HOMER2: variants seen among roughly 807,000 people sequenced by gnomAD.
The protein encoded by HOMER2 is homer protein homolog 2.
In HOMER2, 27 loss-of-function variants were observed where a neutral mutation model predicts 47.0. The ratio of observed to expected loss-of-function variants is 0.57; its 90% CI spans 0.42 to 0.79. HOMER2 has a LOEUF of 0.79. Among genes scored for constraint, HOMER2 ranks in the 30% least tolerant of loss-of-function variants. The pLI is 0.00. For missense variants in HOMER2, 443 were observed against 435.0 expected (o/e 1.02, Z -0.16); for synonymous variants, 161 against 163.8 (o/e 0.98, Z 0.13).
Position 82,982,830 on chromosome 15 carries a change from A to G in HOMER2, n.82+2957T>C, listed in dbSNP as rs530050180. On this transcript the variant is annotated intron_variant and non_coding_transcript_variant, in intron 1 of 1. Coordinates refer to the HOMER2 transcript ENST00000500334. ...AGGAAGCATTTTTCTTAGTTTTTCA[A>G]TTGTCACACTGCCCCTCTTCAAGTT... Among the ~76,000 whole-genome samples the G allele has an allele frequency of 8.3e-4, 126 of 152,256 alleles. 1 individual carries two copies. Among genetic ancestry groups the G allele is most frequent in the African/African-American group, 3.0e-3 (123 of 41,556 alleles).
intron 1 of HOMER2, among the ~76,000 whole-genome samples, chr15:82,948,847 A>T (rs1485796881): frequency 6.6e-6 from 1 of 152,202 alleles, no homozygotes; most frequent in Non-Finnish European, 1.5e-5. Flanking sequence ...AAAAAGGGGA[A>T]TGACATGATC....
chr15:82,857,851 C>T (rs987603991), intron 5 of HOMER2, among the ~76,000 whole-genome samples: 8 of 152,170 alleles, frequency 5.3e-5, no homozygotes, highest in Non-Finnish European at 2.9e-5. Context: ...CTCATGGGAC[C>T]GCCCTAAACC....
At chr15:82,873,305 G>A (rs2052237628) in intron 3 of HOMER2, among the ~76,000 whole-genome samples, 1 of 152,152 alleles carries the variant, frequency 6.6e-6, no homozygotes, top group Non-Finnish European at 1.5e-5. Flanking sequence ...TAGATACTGT[G>A]GACCGCCATG....
chr15:82,892,543 G>A lies in HOMER2; in HGVS notation c.162+142C>T, dbSNP rs7169401. Reference sequence around the variant, plus strand: ...GAAATATTTTTCTTCCCCATTTACCGTAAGTTTAAATGCAAAAAGAACAGA... The same window carrying A: ...GAAATATTTTTCTTCCCCATTTACCATAAGTTTAAATGCAAAAAGAACAGA... On this transcript the variant is annotated intron_variant, in intron 2 of 8. Transcript: ENST00000450735. 268,813 of 593,578 alleles carry A rather than the reference G, an allele frequency of 0.45. 63,062 individuals carry two copies. Among genetic ancestry groups the A allele is most frequent in the South Asian group, 0.51 (8,549 of 16,828 alleles). The allele number at this position is 593,578 out of a possible 1,614,324, so 36.8% of individuals were successfully genotyped here.
chr15:82,880,309 T>C (rs1330944029), intron 2 of HOMER2, among the ~76,000 whole-genome samples: 2 of 152,248 alleles, frequency 1.3e-5, no homozygotes, highest in Non-Finnish European at 2.9e-5. Flanking sequence ...AGAAAAAGTT[T>C]GCCAACTTCT....
At chr15:82,878,298 T>C (rs1268174964) in intron 2 of HOMER2, among the ~76,000 whole-genome samples, 3 of 152,190 alleles carry the variant, frequency 2.0e-5, no homozygotes, top group Non-Finnish European at 4.4e-5. Flanking sequence ...GCTATTTCCT[T>C]AAAACTTAGT....
intron 1 of HOMER2, among the ~76,000 whole-genome samples, chr15:82,981,416 T>C (rs1048674861): frequency 6.6e-6 from 1 of 152,202 alleles, no homozygotes; most frequent in Non-Finnish European, 1.5e-5. Flanking sequence ...CTATTGGGAA[T>C]GTAAAATGGC....
chr15:82,901,790 T>TA (rs564060202), intron 1 of HOMER2, among the ~76,000 whole-genome samples: 10 of 152,328 alleles, frequency 6.6e-5, no homozygotes, highest in Admixed American at 3.3e-4. Flanking sequence ...CCAAAAAACA[T>TA]ACATGTAGGA....
At chr15:82,880,990 A>C (rs1255619021) in intron 2 of HOMER2, among the ~76,000 whole-genome samples, 1 of 152,192 alleles carries the variant, frequency 6.6e-6, no homozygotes, top group African/African-American at 2.4e-5. Flanking sequence ...GACTTAGCAG[A>C]ATGAGAACTG....
rs1596310641 is a variant in HOMER2 at position 82,865,351 on chromosome 15, T to C, written c.295-1092A>G. Among the ~76,000 whole-genome samples, 5 of 152,348 alleles carry C rather than the reference T, an allele frequency of 3.3e-5. No individual in the cohort carries two copies. The South Asian group carries it at 1.0e-3, about 32-fold the overall frequency. On this transcript the variant is annotated intron_variant, in intron 3 of 8. Coordinates refer to ENST00000450735, the MANE Select transcript of HOMER2 (RefSeq NM_004839.4). ...AACATCATTATCATGAACTCCTTTG[T>C]GGCAGGGTCCACATCTTTCCTCTCT...
Position 82,852,185 on chromosome 15 carries a change from C to T in HOMER2, c.719G>A (p.Arg240Lys), listed in dbSNP as rs2051417422. Residue 240 changes from arginine (R) to lysine (K), a missense_variant, in exon 7 of 9, where the codon AGG (arginine) becomes AAG (lysine). Arg to Lys is a conservative substitution (Grantham distance 26, BLOSUM62 2). Coordinates refer to ENST00000450735, the MANE Select transcript of HOMER2 (RefSeq NM_004839.4). ...CTCTGCCTCCAGCTCCTCGATCCTCCTCTTCAGCTGCGTGTTCTTCTCCTT... is the reference window on the plus strand; with the variant it reads ...CTCTGCCTCCAGCTCCTCGATCCTCTTCTTCAGCTGCGTGTTCTTCTCCTT... ...REKEKNTQLK[R>K]RIEELEAELR... is the part of the protein sequence containing the mutation. 2.5e-6 allele frequency: 4 copies of T among 1,614,008 alleles called. No individual in the cohort carries two copies. In the East Asian group the frequency reaches 8.9e-5, roughly 36 times the overall value.
At chr15:82,928,643 T>G (rs780861791) in intron 1 of HOMER2, among the ~76,000 whole-genome samples, 18 of 152,258 alleles carry the variant, frequency 1.2e-4, no homozygotes, top group Non-Finnish European at 2.4e-4. Flanking sequence ...TAGTTTAGCC[T>G]TTAATGGGTA....
chr15:82,927,520 G>C (rs1169360153), intron 1 of HOMER2, among the ~76,000 whole-genome samples: 1 of 152,142 alleles, frequency 6.6e-6, no homozygotes, highest in Non-Finnish European at 1.5e-5. Context: ...AAACCACACT[G>C]CAATTTATAT....
chr15:82,928,288 C>A (rs759754586), intron 1 of HOMER2, among the ~76,000 whole-genome samples: 1 of 152,150 alleles, frequency 6.6e-6, no homozygotes, highest in Non-Finnish European at 1.5e-5. Flanking sequence ...ACCCCAAGCA[C>A]AAAACATTGG....
At chr15:82,891,122 C>T (rs1427704858) in intron 2 of HOMER2, among the ~76,000 whole-genome samples, 2 of 152,114 alleles carry the variant, frequency 1.3e-5, no homozygotes, top group Non-Finnish European at 1.5e-5. Context: ...ATCTCTGAAG[C>T]GGAGGGAGAT....
At chr15:82,958,258 G>A (rs1324105375) in exon 2 of HOMER2, 2 of 152,274 alleles carry the variant, frequency 1.3e-5, no homozygotes, top group Non-Finnish European at 2.9e-5. Flanking sequence ...ACTTCAAAAA[G>A]GGGATGTGTG....
Position 82,849,411 on chromosome 15 carries a change from A to G in HOMER2, c.*304T>C, listed in dbSNP as rs547116090. The G allele has an allele frequency of 5.0e-4, 166 of 333,820 alleles. No individual in the cohort carries two copies. Among genetic ancestry groups the G allele is most frequent in the African/African-American group, 3.3e-3 (157 of 47,774 alleles). The allele number at this position is 333,820 out of a possible 1,614,324, so 20.7% of individuals were successfully genotyped here. On this transcript the variant is annotated 3_prime_UTR_variant, in exon 9 of 9. Coordinates refer to ENST00000450735, the MANE Select transcript of HOMER2 (RefSeq NM_004839.4). ...CAAAATGCGTGTTTTTTCAGTTCAT[A>G]TGGTTGCAACAGCCCTTATGAAAGA...
downstream of HOMER2, among the ~76,000 whole-genome samples, chr15:82,848,368 C>T (rs2051285043): frequency 6.6e-6 from 1 of 152,172 alleles, no homozygotes; most frequent in Admixed American, 6.5e-5. Flanking sequence ...CTCCCCCCTG[C>T]TCAAGGCATT....
At chr15:82,904,660 C>A (rs1403831742) in intron 1 of HOMER2, among the ~76,000 whole-genome samples, 1 of 152,212 alleles carries the variant, frequency 6.6e-6, no homozygotes, top group Non-Finnish European at 1.5e-5. Context: ...CAGCCCCCTT[C>A]AACCATCCTG....
Sources: gnomAD v4.1 joint callset for allele counts (sites outside exome capture counted in the v4.1 genomes callset) on GRCh38, gnomAD v4.1.1 for gene constraint, MANE v1.5 for transcripts, NCBI Gene and HGNC (gene_info 2026-07-23, HGNC 2026-07-21) for gene names.